Variants in NRG3 observed in about 807,000 individuals in gnomAD.
The protein encoded by NRG3 is neuregulin 3, also known as pro-neuregulin-3, membrane-bound isoform.
NRG3 carries 31 observed loss-of-function variants against 66.9 expected under a neutral mutation model. The ratio of observed to expected loss-of-function variants is 0.46; its 90% CI spans 0.35 to 0.63. The LOEUF is 0.63. NRG3 is among the 20% of genes least tolerant of loss of function. NRG3 has a pLI of 0.00. For missense variants in NRG3, 910 were observed against 878.9 expected (o/e 1.04, Z -0.45); for synonymous variants, 393 against 359.4 (o/e 1.09, Z -1.06).
chr10:82,650,546 A>C (rs2051330811), intron 2 of NRG3, among the ~76,000 whole-genome samples: 1 of 152,064 alleles, frequency 6.6e-6, no homozygotes, highest in Non-Finnish European at 1.5e-5. Flanking sequence ...AATTTTGGTG[A>C]GTGATTTTTG....
At chr10:81,909,164 C>T (rs900065042) in intron 1 of NRG3, among the ~76,000 whole-genome samples, 1 of 152,086 alleles carries the variant, frequency 6.6e-6, no homozygotes, top group African/African-American at 2.4e-5. Context: ...GTAGATTTAT[C>T]CCTCCAATCT....
At chr10:82,975,466 T>C (rs183581696) in intron 7 of NRG3, among the ~76,000 whole-genome samples, 86 of 152,304 alleles carry the variant, frequency 5.6e-4, no homozygotes, top group African/African-American at 1.9e-3. Flanking sequence ...TGGCTTCTCC[T>C]ATGGTGTCTA....
At chr10:82,076,821 A>G (rs943519587) in intron 1 of NRG3, among the ~76,000 whole-genome samples, 1 of 152,228 alleles carries the variant, frequency 6.6e-6, no homozygotes, top group Non-Finnish European at 1.5e-5. Context: ...CCGTCAGTCA[A>G]GCAAACCTCT....
intron 1 of NRG3, among the ~76,000 whole-genome samples, chr10:81,931,220 G>A (rs1159961374): frequency 6.6e-6 from 1 of 152,150 alleles, no homozygotes; most frequent in African/African-American, 2.4e-5. Flanking sequence ...TACATGTTAG[G>A]TCTTTCTGTT....
At chr10:82,872,562 A>G (rs752120613) in intron 4 of NRG3, among the ~76,000 whole-genome samples, 4 of 152,160 alleles carry the variant, frequency 2.6e-5, no homozygotes, top group Admixed American at 6.6e-5. Context: ...TATTTAATTG[A>G]CATACATTTG....
intron 3 of NRG3, among the ~76,000 whole-genome samples, chr10:82,842,282 T>C (rs2063094424): frequency 6.6e-6 from 1 of 152,160 alleles, no homozygotes; most frequent in Admixed American, 6.6e-5. Flanking sequence ...TCAAGTGTTA[T>C]ATGCTTGTTT....
chr10:82,648,265 G>A (rs1435617715), intron 2 of NRG3, among the ~76,000 whole-genome samples: 6 of 151,770 alleles, frequency 4.0e-5, no homozygotes, highest in South Asian at 2.1e-4. Context: ...ATAGGGAATC[G>A]TTTCCCCATT....
intron 2 of NRG3, among the ~76,000 whole-genome samples, chr10:82,726,433 C>T (rs745889210): frequency 2.2e-4 from 34 of 152,008 alleles, no homozygotes; most frequent in African/African-American, 7.0e-4. Flanking sequence ...CTTTCCCGTG[C>T]GGTTCTCATG....
chr10:82,915,798 A>T (rs755383780), intron 4 of NRG3, among the ~76,000 whole-genome samples: 9 of 152,176 alleles, frequency 5.9e-5, no homozygotes, highest in Non-Finnish European at 8.8e-5. Flanking sequence ...AAACCTAAAA[A>T]ATTCAGATGA....
intron 2 of NRG3, among the ~76,000 whole-genome samples, chr10:82,396,453 C>A (rs895367690): frequency 1.3e-5 from 2 of 152,156 alleles, no homozygotes; most frequent in Admixed American, 6.6e-5. Flanking sequence ...TCTTTATTGA[C>A]CAGTTCCCTT....
rs76381284 is a variant in NRG3, at chr10:82,464,092, G to A, written c.953+105224G>A. On this transcript the variant is annotated intron_variant, in intron 2 of 8. Coordinates refer to ENST00000372141, the MANE Select transcript of NRG3 (RefSeq NM_001010848.4). ...AGTCTTATGAATCAGGTGGGGAAAT[G>A]AAATTAGTTCCATTTTACAGATCAG... Among the ~76,000 whole-genome samples, 791 of 152,276 alleles carry A rather than the reference G, an allele frequency of 5.2e-3. 4 individuals carry two copies. Among genetic ancestry groups the A allele is most frequent in the African/African-American group, 0.018 (748 of 41,548 alleles).
chr10:82,658,638 AC>A (rs1031160772), intron 2 of NRG3, among the ~76,000 whole-genome samples: 2 of 152,126 alleles, frequency 1.3e-5, no homozygotes, highest in African/African-American at 4.8e-5. Flanking sequence ...ATAATAGAAA[AC>A]CGATTAGTGG....
chr10:82,863,409 C>T (rs1478600535), intron 3 of NRG3, among the ~76,000 whole-genome samples: 3 of 152,060 alleles, frequency 2.0e-5, no homozygotes, highest in African/African-American at 4.8e-5. Context: ...TGGTATTTCT[C>T]GTTCTAGATC....
At chr10:82,821,959 C>T (rs192608921) in intron 3 of NRG3, among the ~76,000 whole-genome samples, 3 of 152,142 alleles carry the variant, frequency 2.0e-5, no homozygotes, top group Admixed American at 6.5e-5. Context: ...CCCTGCCCCC[C>T]ACATGCCAGC....
chr10:82,187,611 G>C (rs566969325), intron 1 of NRG3, among the ~76,000 whole-genome samples: 1 of 151,742 alleles, frequency 6.6e-6, no homozygotes, highest in Non-Finnish European at 1.5e-5. Flanking sequence ...TTTTTTTTGC[G>C]GGGAAGAGGT....
At chr10:82,285,707 C>T (rs1475953874) in intron 1 of NRG3, among the ~76,000 whole-genome samples, 1 of 152,206 alleles carries the variant, frequency 6.6e-6, no homozygotes, top group Non-Finnish European at 1.5e-5. Flanking sequence ...GTTGAAGCCA[C>T]TGGCTGCTTT....
At chr10:82,791,764 C>T (rs2060597734) in intron 3 of NRG3, among the ~76,000 whole-genome samples, 1 of 152,198 alleles carries the variant, frequency 6.6e-6, no homozygotes, top group South Asian at 2.1e-4. Flanking sequence ...TTTGCTGCCT[C>T]AGGCATCAGC....
intron 2 of NRG3, among the ~76,000 whole-genome samples, chr10:82,706,265 A>G (rs1306955369): frequency 6.6e-6 from 1 of 152,156 alleles, no homozygotes; most frequent in Non-Finnish European, 1.5e-5. Context: ...CCAAAATGAC[A>G]TATTATAATC....
chr10:82,294,060 G>A (rs939031023), intron 1 of NRG3, among the ~76,000 whole-genome samples: 1 of 152,038 alleles, frequency 6.6e-6, no homozygotes, highest in Non-Finnish European at 1.5e-5. Context: ...CTCTCACCAA[G>A]GATGAGAAGT....
Sources: gnomAD v4.1 joint callset for allele counts (sites outside exome capture counted in the v4.1 genomes callset) on GRCh38, gnomAD v4.1.1 for gene constraint, MANE v1.5 for transcripts, NCBI Gene and HGNC (gene_info 2026-07-23, HGNC 2026-07-21) for gene names.